GMDS: variants seen among roughly 807,000 people sequenced by gnomAD.
GMDS encodes the protein GDP-mannose 4,6 dehydratase.
A neutral mutation model predicts 49.9 loss-of-function variants in GMDS; 20 were observed. The ratio of observed to expected loss-of-function variants is 0.40; its 90% CI spans 0.28 to 0.58. The LOEUF (loss-of-function observed/expected upper bound fraction) is 0.58, where lower values mean the gene tolerates loss of function less well. Among genes scored for constraint, GMDS ranks in the 20% least tolerant of loss-of-function variants. The probability of loss-of-function intolerance (pLI) is 0.42; values close to 1 mark genes in which losing one functional copy is unlikely to be tolerated. For missense variants in GMDS, 362 were observed against 481.4 expected (o/e 0.75, Z 2.32); for synonymous variants, 177 against 178.6 (o/e 0.99, Z 0.07).
intron 1 of GMDS, among the ~76,000 whole-genome samples, chr6:2,181,889 T>A (rs2127562041): frequency 6.6e-6 from 1 of 152,316 alleles, no homozygotes; most frequent in East Asian, 1.9e-4. Context: ...GTCACACATC[T>A]CTCACTTTAA....
intron 1 of GMDS, among the ~76,000 whole-genome samples, chr6:2,216,978 T>G (rs1780368690): frequency 6.6e-6 from 1 of 151,918 alleles, no homozygotes; most frequent in African/African-American, 2.4e-5. Context: ...TTGGCAAGGT[T>G]TGCACCATTC....
At chr6:2,182,914 C>T (rs536255792) in intron 1 of GMDS, among the ~76,000 whole-genome samples, 15 of 152,004 alleles carry the variant, frequency 9.9e-5, no homozygotes, top group Non-Finnish European at 1.9e-4. Flanking sequence ...CGCCATGTTC[C>T]CCAGGTTGGT....
At chr6:1,838,398 T>C (rs1490637884) in intron 7 of GMDS, among the ~76,000 whole-genome samples, 1 of 152,324 alleles carries the variant, frequency 6.6e-6, no homozygotes, top group East Asian at 1.9e-4. Context: ...AACAACTTAA[T>C]TGATATAACC....
chr6:1,807,179 C>G (rs1277063305), intron 7 of GMDS, among the ~76,000 whole-genome samples: 1 of 151,960 alleles, frequency 6.6e-6, no homozygotes, highest in African/African-American at 2.4e-5. Flanking sequence ...AGAAGCAGGA[C>G]TACAAGTCTG....
chr6:2,122,164 G>A (rs577411807), intron 2 of GMDS, among the ~76,000 whole-genome samples: 18 of 152,252 alleles, frequency 1.2e-4, no homozygotes, highest in African/African-American at 3.6e-4. Flanking sequence ...TTAGGGTACC[G>A]TGTTCAACTT....
At chr6:1,746,084 G>T (rs1367612036) in intron 7 of GMDS, among the ~76,000 whole-genome samples, 1 of 152,170 alleles carries the variant, frequency 6.6e-6, no homozygotes, top group African/African-American at 2.4e-5. Flanking sequence ...AAGTTCACCC[G>T]TTCTCACCTT....
At chr6:1,823,708 C>CT (rs1216272317) in intron 7 of GMDS, among the ~76,000 whole-genome samples, 1 of 152,064 alleles carries the variant, frequency 6.6e-6, no homozygotes, top group Non-Finnish European at 1.5e-5. Context: ...CTTCAAATAT[C>CT]TATGTTTTTA....
chr6:1,716,781 C>T (rs1328718767), intron 9 of GMDS, among the ~76,000 whole-genome samples: 1 of 152,224 alleles, frequency 6.6e-6, no homozygotes, highest in Non-Finnish European at 1.5e-5. Flanking sequence ...CCAGTTCTTA[C>T]ACCCCGTCCC....
At chr6:1,844,247 A>G (rs2113752783) in intron 7 of GMDS, among the ~76,000 whole-genome samples, 1 of 152,310 alleles carries the variant, frequency 6.6e-6, no homozygotes, top group East Asian at 1.9e-4. Context: ...CTAGTGTGGT[A>G]TATTACCTAA....
At chr6:1,671,310 C>T (rs558078426) in intron 9 of GMDS, among the ~76,000 whole-genome samples, 1 of 152,164 alleles carries the variant, frequency 6.6e-6, no homozygotes, top group Admixed American at 6.5e-5. Context: ...GCTTCTCACT[C>T]GACGCCCTGT....
At chr6:1,753,003 C>T (rs1767790788) in intron 7 of GMDS, among the ~76,000 whole-genome samples, 1 of 152,198 alleles carries the variant, frequency 6.6e-6, no homozygotes, top group Admixed American at 6.5e-5. Context: ...CAGCTAGCAT[C>T]ATAATGACAG....
intron 4 of GMDS, among the ~76,000 whole-genome samples, chr6:2,016,839 G>C (rs1333684223): frequency 6.6e-6 from 1 of 152,044 alleles, no homozygotes; most frequent in Non-Finnish European, 1.5e-5. Flanking sequence ...GAAGTCACAA[G>C]AGAAATTAGA....
chr6:2,230,937 T>TCC (rs1394372739), intron 1 of GMDS, among the ~76,000 whole-genome samples: 327 of 20,582 alleles, frequency 0.016, 3 homozygotes, highest in East Asian at 0.03. Context: ...TCTTCCCCCC[T>TCC]CCCACCCCCC....
chr6:2,005,810 C>T (rs577597392), intron 4 of GMDS, among the ~76,000 whole-genome samples: 16 of 152,164 alleles, frequency 1.1e-4, no homozygotes, highest in Non-Finnish European at 1.6e-4. Flanking sequence ...GAGGCTGTGC[C>T]ATGCTTCTTG....
intron 4 of GMDS, among the ~76,000 whole-genome samples, chr6:2,005,688 CAA>C (rs1332293508): frequency 1.3e-5 from 2 of 152,274 alleles, no homozygotes; most frequent in East Asian, 3.9e-4. Flanking sequence ...TGTTCGACCT[CAA>C]AGAGAAAACC....
chr6:2,052,131 G>GAAAAAAAAAAAAAAA (rs576035823), intron 4 of GMDS, among the ~76,000 whole-genome samples: 1 of 99,650 alleles, frequency 1.0e-5, no homozygotes. Flanking sequence ...AAAAAAAAAA[G>GAAAAAAAAAAAAAAA]AAAAAAAAAA....
chr6:1,657,931 A>G (rs1452601962), intron 9 of GMDS, among the ~76,000 whole-genome samples: 1 of 151,222 alleles, frequency 6.6e-6, no homozygotes, highest in African/African-American at 2.4e-5. Flanking sequence ...TTTTAAAGTG[A>G]AGTGAGCTCT....
intron 7 of GMDS, among the ~76,000 whole-genome samples, chr6:1,821,328 C>T (rs981858221): frequency 1.2e-4 from 18 of 151,578 alleles, no homozygotes; most frequent in African/African-American, 2.4e-4. Context: ...TCCTTTTGAG[C>T]GGAGAGGCTG....
intron 7 of GMDS, among the ~76,000 whole-genome samples, chr6:1,808,311 A>C (rs1770266522): frequency 6.6e-6 from 1 of 152,208 alleles, no homozygotes; most frequent in Non-Finnish European, 1.5e-5. Context: ...GGCTAAGTTA[A>C]AGGTAGTCCT....
Sources: gnomAD v4.1 joint callset for allele counts (sites outside exome capture counted in the v4.1 genomes callset) on GRCh38, gnomAD v4.1.1 for gene constraint, MANE v1.5 for transcripts, NCBI Gene and HGNC (gene_info 2026-07-23, HGNC 2026-07-21) for gene names.